The following TMC2 variants were observed in gnomAD, a reference collection of about 807,000 sequenced individuals.
The protein encoded by TMC2 is transmembrane channel like 2, also known as transmembrane channel-like protein 2.
A neutral mutation model predicts 105.9 loss-of-function variants in TMC2; 102 were observed. The observed-to-expected ratio is 0.96, with a 90% CI of 0.82 to 1.14. The LOEUF (loss-of-function observed/expected upper bound fraction) is 1.14, where lower values mean the gene tolerates loss of function less well. TMC2 is among the 50% of genes most tolerant of loss of function. TMC2 has a pLI of 0.00. For missense variants in TMC2, 1,093 were observed against 1,134.3 expected (o/e 0.96, Z 0.52); for synonymous variants, 402 against 422.8 (o/e 0.95, Z 0.60).
intron 16 of TMC2, chr20:2,617,537 T>C: frequency 5.2e-6 from 3 of 575,570 alleles, no homozygotes; most frequent in Non-Finnish European, 9.2e-6. Context: ...CTGTGGCCGT[T>C]GAGTGCTTGA....
At position 2,536,982 on chromosome 20, in the gene TMC2, T is replaced by G. The variant is rs561293495; in HGVS notation, c.35-287T>G. The stretch of plus-strand genomic sequence containing the variant: ...CCTGCTGGGGCGTCTCAGCCACCTA[T>G]TGTCTCGGTTAGGGTTGCCTGTTCC... On this transcript the variant is annotated intron_variant, in intron 1 of 19. Coordinates refer to ENST00000358864, the MANE Select transcript of TMC2 (RefSeq NM_080751.3). 7.2e-5 allele frequency among the ~76,000 whole-genome samples: 11 copies of G among 152,308 alleles called. No individual in the cohort carries two copies. In the South Asian group the frequency reaches 2.1e-3, roughly 29 times the overall value.
At chr20:2,539,081 T>C (rs1219498097) in intron 2 of TMC2, among the ~76,000 whole-genome samples, 1 of 152,186 alleles carries the variant, frequency 6.6e-6, no homozygotes, top group Admixed American at 6.5e-5. Context: ...CCGCAGCCTC[T>C]CCTCGGCCTG....
intron 17 of TMC2, among the ~76,000 whole-genome samples, chr20:2,627,449 AT>A (rs1477643258): frequency 2.0e-5 from 3 of 152,138 alleles, no homozygotes; most frequent in Admixed American, 2.0e-4. Flanking sequence ...TTTATCTGCA[AT>A]TTGTTCTTCT....
chr20:2,637,607 T>C lies in TMC2; in HGVS notation c.2503+16T>C. The C allele has an allele frequency of 6.4e-7, 1 of 1,566,616 alleles. No individual in the cohort carries two copies. The highest frequency in any genetic ancestry group is 1.1e-5 in the South Asian group (1 of 89,994). On this transcript the variant is annotated intron_variant, in intron 19 of 19. Transcript: ENST00000358864. ...ACCAAGGAAGGTAAGCTCTTTGTCA[T>C]AATGATTATGTTTTACAAGGCCACA...
At chr20:2,537,921 T>C (rs1026683986) in intron 2 of TMC2, among the ~76,000 whole-genome samples, 11 of 152,160 alleles carry the variant, frequency 7.2e-5, no homozygotes, top group African/African-American at 2.7e-4. Context: ...GATGCGATGC[T>C]GTTTTCTCCC....
chr20:2,630,002 G>A (rs77557811), intron 17 of TMC2, among the ~76,000 whole-genome samples: 17,874 of 152,216 alleles, frequency 0.12, 1,195 homozygotes, highest in Middle Eastern at 0.17. Context: ...GAAAAAGTTT[G>A]CTGATCCCTA....
At chr20:2,630,398 T>C (rs1358282273) in intron 17 of TMC2, among the ~76,000 whole-genome samples, 1 of 152,248 alleles carries the variant, frequency 6.6e-6, no homozygotes, top group Non-Finnish European at 1.5e-5. Context: ...ATGTTTTTAC[T>C]TATTACATTT....
chr20:2,612,300 A>T lies in TMC2; in HGVS notation c.1703A>T (p.Asp568Val). 3 of 1,598,564 alleles carry T rather than the reference A, an allele frequency of 1.9e-6. No homozygotes were observed. The highest frequency in any genetic ancestry group is 2.6e-6 in the Non-Finnish European group (3 of 1,169,776). The change falls in exon 13 of 20, where the codon GAT becomes GTT. Residue 568 changes from aspartate (D) to valine (V), a missense_variant. Physicochemically the swap from Asp to Val is radical, Grantham distance 152. Coordinates refer to ENST00000358864, the MANE Select transcript of TMC2 (RefSeq NM_080751.3). Reference protein sequence around the residue: ...SVPRPPLHPADVPRGSCWETA... With the variant: ...SVPRPPLHPAVVPRGSCWETA... ...CCCCGACCACCCCTGCACCCTGCAG[A>T]TGTGCCCCGGGGTTCTTGCTGGGAG...
chr20:2,551,225 C>T (rs2085954855), intron 2 of TMC2, among the ~76,000 whole-genome samples: 1 of 152,154 alleles, frequency 6.6e-6, no homozygotes, highest in African/African-American at 2.4e-5. Flanking sequence ...CCATGTTGAG[C>T]ATCTTTTCAT....
intron 10 of TMC2, among the ~76,000 whole-genome samples, chr20:2,599,467 TTG>T (rs1207482180): frequency 6.6e-6 from 1 of 150,822 alleles, no homozygotes; most frequent in Non-Finnish European, 1.5e-5. Flanking sequence ...TGCTGAAGCA[TTG>T]TACATTGTAC....
chr20:2,538,955 T>C (rs2085870265), intron 2 of TMC2, among the ~76,000 whole-genome samples: 1 of 152,226 alleles, frequency 6.6e-6, no homozygotes, highest in Non-Finnish European at 1.5e-5. Context: ...TGTTCTTTTC[T>C]CAGAATAGCT....
At chr20:2,579,095 G>T (rs1236789454) in intron 5 of TMC2, 51 bp from the exon 6 acceptor site, 2 of 1,051,146 alleles carry the variant, frequency 1.9e-6, no homozygotes, top group African/African-American at 1.6e-5. Flanking sequence ...GCCCCTTTGT[G>T]CTCCAGGTTG....
intron 6 of TMC2, among the ~76,000 whole-genome samples, 157 bp downstream of exon 6, chr20:2,579,384 TTTTATTTATTTATTTATTTA>T (rs140358031): frequency 1.4e-5 from 2 of 147,186 alleles, no homozygotes; most frequent in Admixed American, 6.7e-5. Context: ...AAGATTTATT[TTTTATTTATTTATTTATTTA>T]TTTATTTATT....
chr20:2,557,191 C>G (rs2085990110), intron 2 of TMC2, among the ~76,000 whole-genome samples: 1 of 152,132 alleles, frequency 6.6e-6, no homozygotes, highest in Admixed American at 6.5e-5. Context: ...CTCTGTTTGC[C>G]TTCTGGCATT....
chr20:2,553,949 A>G lies in TMC2; in HGVS notation c.83-4507A>G, dbSNP rs545398516. ...GCCCAGGCTGGAGTACAATGGCACC[A>G]TCTCAGCTCACTGCAACCTCTGCCT... On this transcript the variant is annotated intron_variant, in intron 2 of 19. Transcript: ENST00000358864. Among the ~76,000 whole-genome samples, 98 of 152,264 alleles carry G rather than the reference A, an allele frequency of 6.4e-4. 2 individuals carry two copies. In the South Asian group the frequency reaches 0.019, roughly 29 times the overall value.
At chr20:2,536,689 C>A in intron 1 of TMC2, 34 bp downstream of exon 1, 1 of 1,561,710 alleles carries the variant, frequency 6.4e-7, no homozygotes, top group African/African-American at 1.4e-5. Context: ...GGGGCCCGCC[C>A]ACAGGGTTCC....
chr20:2,575,844 CTTTAT>C (rs1221950931), intron 5 of TMC2, among the ~76,000 whole-genome samples: 3 of 151,958 alleles, frequency 2.0e-5, no homozygotes, highest in Non-Finnish European at 4.4e-5. Flanking sequence ...CAATTATAGT[CTTTAT>C]TTTGTCTAAT....
At chr20:2,611,415 C>T (rs550292437) in intron 12 of TMC2, among the ~76,000 whole-genome samples, 1 of 152,324 alleles carries the variant, frequency 6.6e-6, no homozygotes, top group East Asian at 1.9e-4. Flanking sequence ...CCCTCCTACC[C>T]AGGAGACTGC....
In TMC2 at chr20:2,579,149, TG is replaced by T; in HGVS notation, c.652del (p.Val218SerfsTer19). On this transcript the variant is annotated frameshift_variant, in exon 6 of 20. Coordinates refer to ENST00000358864, the MANE Select transcript of TMC2 (RefSeq NM_080751.3). LOFTEE classifies it high-confidence loss of function. ...YAYKMLMAKKWVKFKRDFDNF... is the reference protein window; with the variant it reads ...YAYKMLMAKKXVKFKRDFDNF... ...AGTTTTACGTCTTTTATTTCAGAAA[TG>T]GGTCAAATTTAAGAGAGACTTTGAT... 1 of 1,558,844 alleles carries T rather than the reference TG, an allele frequency of 6.4e-7. No individual in the cohort carries two copies. The highest frequency in any genetic ancestry group is 8.8e-7 in the Non-Finnish European group (1 of 1,130,218).
Sources: allele counts gnomAD v4.1 joint callset (sites outside exome capture counted in the v4.1 genomes callset), GRCh38; gene constraint gnomAD v4.1.1; transcripts MANE v1.5; gene names NCBI Gene and HGNC (gene_info 2026-07-23, HGNC 2026-07-21).